TMEM163: variants seen among roughly 807,000 people sequenced by gnomAD.
The protein encoded by TMEM163 is transmembrane protein 163.
In TMEM163, 17 loss-of-function variants were observed where a neutral mutation model predicts 29.3. The ratio of observed to expected loss-of-function variants is 0.58; its 90% CI spans 0.40 to 0.87. The LOEUF (loss-of-function observed/expected upper bound fraction) is 0.87. Ranked by LOEUF, TMEM163 falls within the 40% of genes least tolerant of loss-of-function variation. The pLI is 0.00. For synonymous variants in TMEM163, 157 were observed against 160.6 expected (o/e 0.98, Z 0.17); for missense variants, 303 against 381.5 (o/e 0.79, Z 1.71).
intron 2 of TMEM163, among the ~76,000 whole-genome samples, chr2:134,558,492 G>C (rs1419874831): frequency 6.6e-6 from 1 of 152,324 alleles, no homozygotes; most frequent in Non-Finnish European, 1.5e-5. Flanking sequence ...ATATCAGCTG[G>C]AAATTCAAAT....
intron 2 of TMEM163, among the ~76,000 whole-genome samples, chr2:134,641,925 G>C (rs1038144334): frequency 6.6e-6 from 1 of 152,062 alleles, no homozygotes; most frequent in Non-Finnish European, 1.5e-5. Flanking sequence ...ACAAGCTAGA[G>C]CAGATATATT....
At position 134,456,738 on chromosome 2, in the gene TMEM163, C is replaced by A. The variant is rs200812680; in HGVS notation, c.848G>T (p.Arg283Leu). The A allele has an allele frequency of 1.2e-6, 2 of 1,613,756 alleles. No individual in the cohort carries two copies. Among genetic ancestry groups the A allele is most frequent in the Non-Finnish European group, 1.7e-6 (2 of 1,180,020 alleles). The change falls in exon 8 of 8, where the codon CGT (arginine) becomes CTT (leucine). Residue 283 changes from arginine (R) to leucine (L), a missense_variant. Around this residue, in one of 2 missense-constraint regions of TMEM163, gnomAD observed 203 missense variants for 294.3 expected, o/e 0.69. Transcript: ENST00000281924. ...CCTTCACTCAAACATCTCGTAGTGA[C>A]GTGTCTGCCTCACCCTCGGCACCAT... ...IDMVPRVRQTRHYEMFE is the reference protein window; with the variant it reads ...IDMVPRVRQTLHYEMFE
intron 4 of TMEM163, among the ~76,000 whole-genome samples, chr2:134,507,538 C>T (rs1679851320): frequency 6.6e-6 from 1 of 152,070 alleles, no homozygotes; most frequent in Non-Finnish European, 1.5e-5. Flanking sequence ...TTAATAAGCC[C>T]TTCAGGTGAT....
intron 2 of TMEM163, among the ~76,000 whole-genome samples, chr2:134,587,261 A>C (rs985784244): frequency 2.0e-5 from 3 of 152,018 alleles, no homozygotes; most frequent in Non-Finnish European, 2.9e-5. Context: ...AAATACAAAA[A>C]ATTAGCTAGG....
chr2:134,704,793 T>C (rs1684772701), intron 2 of TMEM163, among the ~76,000 whole-genome samples: 1 of 152,198 alleles, frequency 6.6e-6, no homozygotes, highest in Non-Finnish European at 1.5e-5. Context: ...GCTAGAGGTA[T>C]TTATTCTGGT....
At chr2:134,706,255 T>G (rs1362390783) in intron 2 of TMEM163, among the ~76,000 whole-genome samples, 1 of 152,124 alleles carries the variant, frequency 6.6e-6, no homozygotes, top group Non-Finnish European at 1.5e-5. Flanking sequence ...ATCCCCACCA[T>G]TTACAAAGTT....
intron 5 of TMEM163, among the ~76,000 whole-genome samples, chr2:134,480,832 T>C (rs1382478457): frequency 6.6e-6 from 1 of 152,200 alleles, no homozygotes; most frequent in African/African-American, 2.4e-5. Context: ...TAAGAGTTTT[T>C]TAATTATTAT....
At chr2:134,507,239 G>C (rs1679844906) in intron 4 of TMEM163, among the ~76,000 whole-genome samples, 1 of 152,016 alleles carries the variant, frequency 6.6e-6, no homozygotes, top group Non-Finnish European at 1.5e-5. Context: ...GGGAGGCAGA[G>C]GCAGGAGAAT....
intron 6 of TMEM163, among the ~76,000 whole-genome samples, chr2:134,463,552 G>A (rs1479669510): frequency 6.6e-6 from 1 of 152,228 alleles, no homozygotes; most frequent in Non-Finnish European, 1.5e-5. Context: ...CGATGTCTCA[G>A]TGGGTGACGG....
intron 4 of TMEM163, among the ~76,000 whole-genome samples, chr2:134,543,929 G>A (rs1680727681): frequency 6.6e-6 from 1 of 152,148 alleles, no homozygotes; most frequent in Non-Finnish European, 1.5e-5. Context: ...ATTGGAACAG[G>A]AGAACCACCT....
intron 5 of TMEM163, among the ~76,000 whole-genome samples, chr2:134,471,110 T>C (rs1158194224): frequency 6.6e-6 from 1 of 152,188 alleles, no homozygotes; most frequent in Non-Finnish European, 1.5e-5. Flanking sequence ...AGGTTGAGAC[T>C]GCAGTGAGCT....
At chr2:134,534,957 T>TGA (rs1680500328) in intron 4 of TMEM163, among the ~76,000 whole-genome samples, 1 of 152,082 alleles carries the variant, frequency 6.6e-6, no homozygotes, top group Non-Finnish European at 1.5e-5. Context: ...AGGGGAGCAC[T>TGA]GAGATACAGG....
At chr2:134,709,587 AG>A (rs1684884654) in intron 2 of TMEM163, among the ~76,000 whole-genome samples, 1 of 152,244 alleles carries the variant, frequency 6.6e-6, no homozygotes, top group African/African-American at 2.4e-5. Flanking sequence ...ATTACCTGGA[AG>A]CTTATAGGAG....
chr2:134,647,172 G>A (rs1364631396), intron 2 of TMEM163, among the ~76,000 whole-genome samples: 3 of 152,092 alleles, frequency 2.0e-5, no homozygotes, highest in African/African-American at 7.2e-5. Flanking sequence ...CCTCTACATT[G>A]CTTCCAGCTC....
intron 2 of TMEM163, among the ~76,000 whole-genome samples, chr2:134,707,823 A>G (rs1684848937): frequency 6.6e-6 from 1 of 151,392 alleles, no homozygotes; most frequent in Non-Finnish European, 1.5e-5. Context: ...CCCAAAGGAC[A>G]TGGGCTCCAG....
At chr2:134,673,334 T>C (rs1228562152) in intron 2 of TMEM163, among the ~76,000 whole-genome samples, 3 of 152,176 alleles carry the variant, frequency 2.0e-5, no homozygotes, top group Non-Finnish European at 4.4e-5. Context: ...CCACTATGAA[T>C]GCAGATCTTC....
chr2:134,460,592 C>T lies in TMEM163; in HGVS notation c.668-2419G>A, dbSNP rs1424488473. Among the ~76,000 whole-genome samples, 1 of 152,004 alleles carries T rather than the reference C, an allele frequency of 6.6e-6. No individual in the cohort carries two copies. Among genetic ancestry groups the T allele is most frequent in the African/African-American group, 2.4e-5 (1 of 41,378 alleles). On this transcript the variant is annotated intron_variant, in intron 6 of 7. Transcript: ENST00000281924. This position sits in a 1 kb window ranked among gnomAD's most constrained non-coding sequence, Gnocchi z 4.3. Reference sequence around the variant, plus strand: ...AGGAAGTAGGCAGGCAGGCATGGGCCCAGCCTGAGCGCCACCCCTGCCTGG... The same window carrying T: ...AGGAAGTAGGCAGGCAGGCATGGGCTCAGCCTGAGCGCCACCCCTGCCTGG...
chr2:134,531,602 T>C (rs911688115), intron 4 of TMEM163, among the ~76,000 whole-genome samples: 2 of 152,212 alleles, frequency 1.3e-5, no homozygotes, highest in African/African-American at 4.8e-5. Flanking sequence ...AACTCAGGGA[T>C]ACACTTAACT....
chr2:134,660,903 G>A (rs1683732895), intron 2 of TMEM163, among the ~76,000 whole-genome samples: 1 of 152,128 alleles, frequency 6.6e-6, no homozygotes, highest in Non-Finnish European at 1.5e-5. Context: ...ACTTTGCTAT[G>A]GTTTGAATGT....
Sources: allele counts gnomAD v4.1 joint callset (sites outside exome capture counted in the v4.1 genomes callset), GRCh38; gene constraint gnomAD v4.1.1; regional missense constraint gnomAD v4.1.1; non-coding constraint Gnocchi (gnomAD v3.1); transcripts MANE v1.5; gene names NCBI Gene and HGNC (gene_info 2026-07-23, HGNC 2026-07-21).